The following FRY variants were observed in gnomAD, a reference collection of about 807,000 sequenced individuals.
FRY encodes the protein FRY microtubule binding protein, also known as protein furry homolog.
A neutral mutation model predicts 348.4 loss-of-function variants in FRY; 128 were observed. That is an observed-to-expected ratio of 0.37 (90% CI 0.32 to 0.43). The LOEUF (loss-of-function observed/expected upper bound fraction) is 0.43. FRY is among the 20% of genes least tolerant of loss of function. The probability of loss-of-function intolerance (pLI) is 1.00; values close to 1 mark genes in which losing one functional copy is unlikely to be tolerated. For missense variants in FRY, 2,736 were observed against 3,695.2 expected, an observed-to-expected ratio of 0.74 and a Z score of 6.73; for synonymous variants, 1,370 against 1,374.7, an observed-to-expected ratio of 1.00 and a Z score of 0.08.
chr13:32,145,559 A>AC, intron 11 of FRY, among the ~76,000 whole-genome samples: 1 of 110,272 alleles, frequency 9.1e-6, no homozygotes, highest in Non-Finnish European at 1.7e-5. Context: ...TTTTTTTGAG[A>AC]CGGAGTCTCG....
intron 53 of FRY, among the ~76,000 whole-genome samples, chr13:32,264,674 C>T (rs541161653): frequency 6.6e-6 from 1 of 152,352 alleles, no homozygotes; most frequent in Admixed American, 6.5e-5. Context: ...CTGCCTCTCA[C>T]TGATCCTGGT....
intron 49 of FRY, 74 bp from the exon 50 acceptor site, chr13:32,251,804 C>A (rs2806633): frequency 0.54 from 480,658 of 887,990 alleles, 133,396 homozygotes; most frequent in Middle Eastern, 0.6. Context: ...CCCTGTATGG[C>A]TAGTGGCTAG....
chr13:32,069,690 C>G (rs771177912), intron 1 of FRY, among the ~76,000 whole-genome samples: 1 of 152,164 alleles, frequency 6.6e-6, no homozygotes, highest in Non-Finnish European at 1.5e-5. Flanking sequence ...ACCAGTCACA[C>G]AAGGACAAAT....
intron 53 of FRY, 88 bp downstream of exon 53, chr13:32,262,563 T>A: frequency 1.0e-6 from 1 of 977,570 alleles, no homozygotes; most frequent in Non-Finnish European, 1.6e-6. Flanking sequence ...TCTTAAGGGG[T>A]CTCAAGTAGA....
At chr13:32,134,102 A>G (rs775148744) in intron 8 of FRY, among the ~76,000 whole-genome samples, 7 of 152,188 alleles carry the variant, frequency 4.6e-5, no homozygotes, top group Non-Finnish European at 7.3e-5. Flanking sequence ...GAATGAAAAC[A>G]ATACCTGATA....
At chr13:32,144,200 C>CA (rs199998762) in intron 11 of FRY, among the ~76,000 whole-genome samples, 6,230 of 137,256 alleles carry the variant, frequency 0.045, 157 homozygotes, top group Middle Eastern at 0.13. Flanking sequence ...TATTAACAGG[C>CA]AAAAAAAAAC....
chr13:32,159,535 A>G (rs1881324979), intron 16 of FRY, among the ~76,000 whole-genome samples: 1 of 152,224 alleles, frequency 6.6e-6, no homozygotes, highest in Non-Finnish European at 1.5e-5. Flanking sequence ...CTGTTAATAT[A>G]TTTTCTTAAT....
At chr13:32,100,618 G>A (rs1317648271) in intron 2 of FRY, among the ~76,000 whole-genome samples, 1 of 151,982 alleles carries the variant, frequency 6.6e-6, no homozygotes, top group Non-Finnish European at 1.5e-5. Context: ...TTTTTGTGAT[G>A]AGAACATTTA....
intron 20 of FRY, among the ~76,000 whole-genome samples, chr13:32,176,633 A>G (rs1255582254): frequency 6.6e-6 from 1 of 152,248 alleles, no homozygotes; most frequent in African/African-American, 2.4e-5. Flanking sequence ...GGAATGGAAT[A>G]CTAAGCTTTG....
intron 3 of FRY, 52 bp downstream of exon 3, chr13:32,102,068 C>A: frequency 9.9e-7 from 1 of 1,012,500 alleles, no homozygotes; most frequent in Non-Finnish European, 1.6e-6. Context: ...AGCATTCACG[C>A]AAGGCAAGGT....
intron 2 of FRY, among the ~76,000 whole-genome samples, chr13:32,091,180 C>A (rs897080344): frequency 6.6e-6 from 1 of 152,138 alleles, no homozygotes; most frequent in Non-Finnish European, 1.5e-5. Flanking sequence ...TTGACTATTT[C>A]TCATTAGTTA....
At chr13:32,170,786 C>T (rs1286665359) in intron 17 of FRY, among the ~76,000 whole-genome samples, 1 of 152,200 alleles carries the variant, frequency 6.6e-6, no homozygotes, top group African/African-American at 2.4e-5. Context: ...ATCCACCTGC[C>T]TCAGCCTCCC....
intron 2 of FRY, among the ~76,000 whole-genome samples, chr13:32,093,233 C>T (rs957426331): frequency 2.0e-5 from 3 of 152,178 alleles, no homozygotes; most frequent in Admixed American, 6.5e-5. Context: ...ATCTAAAAAA[C>T]TTACAACAAT....
rs1882196380 is a variant in FRY, at chr13:32,173,300, A to T, written c.2152-67A>T. The T allele has an allele frequency of 5.7e-6, 7 of 1,229,630 alleles. No individual in the cohort carries two copies. The East Asian group carries it at 1.6e-4, about 29-fold the overall frequency. The allele number at this position is 1,229,630 out of a possible 1,614,324, so 76.2% of individuals were successfully genotyped here. ...GTCAAATGTGCAAAAAATATGTAAA[A>T]CATGAGTGTATTCTTCTTCCTTTGT... On this transcript the variant is annotated intron_variant, in intron 18 of 60. Coordinates refer to ENST00000542859, the MANE Select transcript of FRY (RefSeq NM_023037.3).
chr13:32,170,972 A>G, intron 17 of FRY, 40 bp from the exon 18 acceptor site: 1 of 1,441,534 alleles, frequency 6.9e-7, no homozygotes, highest in South Asian at 1.1e-5. Context: ...AGACCAGTTA[A>G]TAAAGTAAAT....
In FRY at chr13:32,262,496, A is replaced by G. The variant is rs9595227; in HGVS notation, c.7779+21A>G. 14,822 of 1,593,640 alleles carry G rather than the reference A, an allele frequency of 9.3e-3. 1,178 individuals carry two copies. The African/African-American group carries it at 0.17, about 19-fold the overall frequency. On this transcript the variant is annotated intron_variant, in intron 53 of 60. Transcript: ENST00000542859. ...CAAAGGTGAAGAGATTTTAACAATG[A>G]TGATTTGTACTTCCCTTAAAACCCT...
chr13:32,161,790 C>T (rs1007429663), intron 17 of FRY, among the ~76,000 whole-genome samples: 1 of 152,206 alleles, frequency 6.6e-6, no homozygotes, highest in African/African-American at 2.4e-5. Flanking sequence ...TAGTATAGTG[C>T]TTCAGAAAGC....
intron 1 of FRY, among the ~76,000 whole-genome samples, chr13:32,076,649 G>T (rs950006355): frequency 6.6e-6 from 1 of 152,140 alleles, no homozygotes; most frequent in African/African-American, 2.4e-5. Flanking sequence ...TCCTTATGTA[G>T]TTCCTATTCC....
chr13:32,092,158 T>A (rs769973486), intron 2 of FRY, among the ~76,000 whole-genome samples: 1 of 152,192 alleles, frequency 6.6e-6, no homozygotes, highest in Non-Finnish European at 1.5e-5. Flanking sequence ...AAAAGAAATA[T>A]CTCTGAGGGC....
Sources: allele counts gnomAD v4.1 joint callset (sites outside exome capture counted in the v4.1 genomes callset), GRCh38; gene constraint gnomAD v4.1.1; transcripts MANE v1.5; gene names NCBI Gene and HGNC (gene_info 2026-07-23, HGNC 2026-07-21).